Variants in SGCZ observed in about 807,000 individuals in gnomAD.
SGCZ encodes the protein zeta-sarcoglycan.
A neutral mutation model predicts 41.3 loss-of-function variants in SGCZ; 40 were observed. The ratio of observed to expected loss-of-function variants is 0.97; its 90% CI spans 0.75 to 1.26. The LOEUF is 1.26. Among genes scored for constraint, SGCZ ranks in the 50% most tolerant of loss-of-function variants. The pLI is 0.00. For synonymous variants in SGCZ, 206 were observed against 137.5 expected (o/e 1.50, Z -3.49); for missense variants, 552 against 369.8 (o/e 1.49, Z -4.04).
intron 1 of SGCZ, among the ~76,000 whole-genome samples, chr8:15,013,762 T>G (rs1802919990): frequency 6.6e-6 from 1 of 152,190 alleles, no homozygotes; most frequent in Non-Finnish European, 1.5e-5. Flanking sequence ...ATACATCATA[T>G]GCTTAATGAA....
At chr8:14,919,354 T>C (rs1298337602) in intron 1 of SGCZ, among the ~76,000 whole-genome samples, 1 of 152,048 alleles carries the variant, frequency 6.6e-6, no homozygotes, top group African/African-American at 2.4e-5. Context: ...AGCAGGAGAA[T>C]TGCTAGAACC....
intron 1 of SGCZ, among the ~76,000 whole-genome samples, chr8:15,167,241 A>C (rs1481434830): frequency 6.6e-6 from 1 of 152,244 alleles, no homozygotes; most frequent in Non-Finnish European, 1.5e-5. Context: ...AATTGGAGAA[A>C]GTGATTATTT....
At chr8:15,172,404 C>A (rs1408726187) in intron 1 of SGCZ, among the ~76,000 whole-genome samples, 5 of 151,624 alleles carry the variant, frequency 3.3e-5, no homozygotes, top group South Asian at 2.1e-4. Flanking sequence ...TCGTGATCTG[C>A]CCGTCTCGGC....
chr8:14,492,801 G>GA (rs1425013597), intron 2 of SGCZ, among the ~76,000 whole-genome samples: 1 of 151,532 alleles, frequency 6.6e-6, no homozygotes, highest in Non-Finnish European at 1.5e-5. Context: ...TTCTTCCTGT[G>GA]TTCCTATGAT....
chr8:14,693,170 A>C (rs180909440), intron 1 of SGCZ, among the ~76,000 whole-genome samples: 1 of 152,218 alleles, frequency 6.6e-6, no homozygotes, highest in Non-Finnish European at 1.5e-5. Context: ...TAAATATTCT[A>C]ATGCTAACTT....
intron 1 of SGCZ, among the ~76,000 whole-genome samples, chr8:15,115,408 T>C (rs764367940): frequency 2.0e-5 from 3 of 152,368 alleles, no homozygotes; most frequent in South Asian, 2.1e-4. Flanking sequence ...TGGATGTACA[T>C]AAGCAATAGT....
chr8:14,334,694 G>A (rs1300889225), intron 2 of SGCZ, among the ~76,000 whole-genome samples: 2 of 151,924 alleles, frequency 1.3e-5, no homozygotes, highest in African/African-American at 2.4e-5. Flanking sequence ...GTTCTGATAT[G>A]ACAAAACTCT....
intron 1 of SGCZ, among the ~76,000 whole-genome samples, chr8:15,176,043 A>C (rs1187883402): frequency 1.3e-5 from 2 of 152,234 alleles, no homozygotes; most frequent in Non-Finnish European, 2.9e-5. Context: ...AAAGCAATTT[A>C]AGTGAAAAAA....
chr8:14,553,355 A>T (rs1428049482), intron 2 of SGCZ, among the ~76,000 whole-genome samples: 3 of 152,040 alleles, frequency 2.0e-5, no homozygotes, highest in African/African-American at 4.8e-5. Flanking sequence ...AGCCACCCTC[A>T]CATGGCCTCA....
intron 5 of SGCZ, among the ~76,000 whole-genome samples, chr8:14,114,395 A>T (rs1346756438): frequency 6.6e-6 from 1 of 152,122 alleles, no homozygotes; most frequent in East Asian, 1.9e-4. Context: ...TTCTAGTGAA[A>T]CAGGGAAATA....
intron 2 of SGCZ, among the ~76,000 whole-genome samples, chr8:14,494,507 A>T (rs73527197): frequency 1.3e-5 from 2 of 152,160 alleles, no homozygotes; most frequent in Non-Finnish European, 2.9e-5. Flanking sequence ...AGCTGAATAC[A>T]TACACACATG....
In SGCZ at chr8:14,086,056, T is replaced by G. The variant is rs1379981973; in HGVS notation, c.*4387A>C. On this transcript the variant is annotated 3_prime_UTR_variant, in exon 8 of 8. Coordinates refer to ENST00000382080, the MANE Select transcript of SGCZ (RefSeq NM_139167.4). ...CAAATTTCCTTTGTGATAATGATAT[T>G]TTGTAGTGTTCATTACTGTAATATA... Among the ~76,000 whole-genome samples, 1 of 151,720 alleles carries G rather than the reference T, an allele frequency of 6.6e-6. No individual in the cohort carries two copies. The highest frequency in any genetic ancestry group is 2.4e-5 in the African/African-American group (1 of 41,400).
At chr8:14,720,335 A>T (rs1261431813) in intron 1 of SGCZ, among the ~76,000 whole-genome samples, 1 of 152,110 alleles carries the variant, frequency 6.6e-6, no homozygotes, top group Admixed American at 6.6e-5. Flanking sequence ...TTAAGTAGCT[A>T]TCACTAACTG....
chr8:15,011,722 G>A (rs1419725187), intron 1 of SGCZ, among the ~76,000 whole-genome samples: 1 of 152,132 alleles, frequency 6.6e-6, no homozygotes, highest in Non-Finnish European at 1.5e-5. Context: ...TCTGCTAAAA[G>A]AAAAATCATG....
intron 1 of SGCZ, among the ~76,000 whole-genome samples, chr8:15,107,496 A>G (rs1203634374): frequency 6.6e-6 from 1 of 152,064 alleles, no homozygotes; most frequent in Non-Finnish European, 1.5e-5. Context: ...TTCCTCTCTG[A>G]CCAAAAGGTC....
At chr8:14,748,332 C>T (rs998026870) in intron 1 of SGCZ, among the ~76,000 whole-genome samples, 2 of 152,130 alleles carry the variant, frequency 1.3e-5, no homozygotes, top group African/African-American at 4.8e-5. Context: ...ATTATACTAT[C>T]TCAAAATTAT....
intron 3 of SGCZ, among the ~76,000 whole-genome samples, chr8:14,267,761 C>G (rs1321941453): frequency 6.6e-6 from 1 of 151,960 alleles, no homozygotes; most frequent in Non-Finnish European, 1.5e-5. Flanking sequence ...GCTCATTGAT[C>G]TAAAATGCTT....
intron 1 of SGCZ, among the ~76,000 whole-genome samples, chr8:15,028,318 G>A (rs899435459): frequency 6.7e-6 from 1 of 150,094 alleles, no homozygotes; most frequent in Non-Finnish European, 1.5e-5. Flanking sequence ...GACGTCTTTC[G>A]AAGTTGAAGT....
chr8:15,109,541 G>C (rs1216787447), intron 1 of SGCZ, among the ~76,000 whole-genome samples: 1 of 152,086 alleles, frequency 6.6e-6, no homozygotes, highest in East Asian at 1.9e-4. Context: ...TTGCAAATTT[G>C]AATAACATTA....
Sources: gnomAD v4.1 joint callset for allele counts (sites outside exome capture counted in the v4.1 genomes callset) on GRCh38, gnomAD v4.1.1 for gene constraint, MANE v1.5 for transcripts, NCBI Gene and HGNC (gene_info 2026-07-23, HGNC 2026-07-21) for gene names.